The following ATR variants were observed in gnomAD, a reference collection of about 807,000 sequenced individuals.
ATR encodes ATR checkpoint kinase.
In ATR, 142 loss-of-function variants were observed where a neutral mutation model predicts 305.3. The ratio of observed to expected loss-of-function variants is 0.47; its 90% CI spans 0.41 to 0.53. ATR has a LOEUF of 0.53. Among genes scored for constraint, ATR ranks in the 20% least tolerant of loss-of-function variants. The pLI is 0.00. For missense variants in ATR, 2,135 were observed against 3,133.1 expected (o/e 0.68, Z 7.60); for synonymous variants, 1,050 against 1,068.1 (o/e 0.98, Z 0.33).
intron 21 of ATR, among the ~76,000 whole-genome samples, chr3:142,533,286 A>G (rs1482142079): frequency 1.3e-5 from 2 of 152,188 alleles, no homozygotes; most frequent in Admixed American, 6.5e-5. Context: ...CTCTAAAAGT[A>G]AATAAGTAAA....
At chr3:142,468,113 G>A (rs1431873800) in intron 38 of ATR, 45 bp from the exon 39 acceptor site, 2 of 1,595,838 alleles carry the variant, frequency 1.3e-6, no homozygotes, top group African/African-American at 1.3e-5. Flanking sequence ...AGTTTATACA[G>A]GATTTTTAAA....
chr3:142,451,219 G>A (rs2070783029), intron 46 of ATR: 1 of 1,189,054 alleles, frequency 8.4e-7, no homozygotes, highest in Non-Finnish European at 1.1e-6. Flanking sequence ...ACCTGATGCT[G>A]CACATCCAGA....
chr3:142,519,392 C>T (rs1004588799), intron 24 of ATR, among the ~76,000 whole-genome samples: 1 of 151,894 alleles, frequency 6.6e-6, no homozygotes, highest in Non-Finnish European at 1.5e-5. Flanking sequence ...ACCTCTGCCT[C>T]CTGGGTTCAA....
chr3:142,537,982 C>T (rs956609502), intron 19 of ATR, among the ~76,000 whole-genome samples: 2 of 152,150 alleles, frequency 1.3e-5, no homozygotes, highest in African/African-American at 4.8e-5. Flanking sequence ...AATGGAGAAT[C>T]TCAGAATGCC....
chr3:142,550,606 TATAAC>T (rs1158555912), intron 13 of ATR, among the ~76,000 whole-genome samples: 1 of 152,208 alleles, frequency 6.6e-6, no homozygotes, highest in East Asian at 1.9e-4. Context: ...CAAAGTGTCA[TATAAC>T]ATAATATCAA....
intron 21 of ATR, among the ~76,000 whole-genome samples, chr3:142,530,652 G>A (rs1577643556): frequency 1.3e-5 from 2 of 152,180 alleles, no homozygotes; most frequent in Admixed American, 1.3e-4. Flanking sequence ...AGCAGGGGGA[G>A]GATTTGGTTC....
chr3:142,469,882 T>C (rs1349511418), intron 37 of ATR, among the ~76,000 whole-genome samples: 1 of 152,212 alleles, frequency 6.6e-6, no homozygotes, highest in Non-Finnish European at 1.5e-5. Flanking sequence ...CAGATTTGTA[T>C]TTGTGGCCCT....
chr3:142,507,089 G>A (rs2108359723), intron 28 of ATR, among the ~76,000 whole-genome samples: 1 of 152,282 alleles, frequency 6.6e-6, no homozygotes, highest in East Asian at 1.9e-4. Context: ...CTTAAAGCTG[G>A]ACAAGGAGGA....
intron 1 of ATR, among the ~76,000 whole-genome samples, chr3:142,573,971 C>T (rs890865708): frequency 1.3e-5 from 2 of 152,112 alleles, no homozygotes; most frequent in Admixed American, 6.5e-5. Flanking sequence ...TGATAAACCA[C>T]AGTAATTTCA....
intron 23 of ATR, 43 bp from the exon 24 acceptor site, chr3:142,519,827 G>A: frequency 7.3e-7 from 1 of 1,367,192 alleles, no homozygotes; most frequent in Non-Finnish European, 1.0e-6. Context: ...CAGTGAAGCA[G>A]ATAACGCTTT....
chr3:142,536,303 A>G (rs929519510), intron 19 of ATR, 102 bp from the exon 20 acceptor site: 2 of 828,260 alleles, frequency 2.4e-6, no homozygotes, highest in Non-Finnish European at 4.1e-6. Context: ...TTCATAATTA[A>G]AAGTGCTAGT....
chr3:142,538,051 A>G (rs2033919922), intron 19 of ATR, among the ~76,000 whole-genome samples: 1 of 152,204 alleles, frequency 6.6e-6, no homozygotes, highest in South Asian at 2.1e-4. Context: ...TCTAGTAACA[A>G]TATCAAGAAA....
At chr3:142,548,055 GA>G in intron 15 of ATR, 145 bp from the exon 16 acceptor site, 1 of 721,434 alleles carries the variant, frequency 1.4e-6, no homozygotes, top group Non-Finnish European at 2.3e-6. Flanking sequence ...AAAGGCATTG[GA>G]AAAGATTCTA....
At chr3:142,508,392 C>T (rs2032365192) in intron 27 of ATR, among the ~76,000 whole-genome samples, 2 of 152,006 alleles carry the variant, frequency 1.3e-5, no homozygotes, top group African/African-American at 4.8e-5. Flanking sequence ...TTCCTTACAA[C>T]GTTGTTGGTG....
At chr3:142,480,056 T>A (rs890460954) in intron 36 of ATR, among the ~76,000 whole-genome samples, 3 of 152,164 alleles carry the variant, frequency 2.0e-5, no homozygotes, top group African/African-American at 7.2e-5. Flanking sequence ...CTCGGAGAAG[T>A]TTGATCATCT....
chr3:142,529,436 T>C (rs1375839360), intron 21 of ATR, among the ~76,000 whole-genome samples: 7 of 152,192 alleles, frequency 4.6e-5, no homozygotes, highest in Non-Finnish European at 1.0e-4. Flanking sequence ...TTATTTCTAG[T>C]TTATTAGAAT....
chr3:142,475,594 T>G (rs374851969), intron 36 of ATR, among the ~76,000 whole-genome samples: 8 of 152,310 alleles, frequency 5.3e-5, no homozygotes, highest in African/African-American at 1.4e-4. Context: ...ATGATTTATA[T>G]TCCTTTGGGT....
intron 43 of ATR, 50 bp from the exon 44 acceptor site, chr3:142,459,161 T>A (rs144901974): frequency 5.6e-6 from 9 of 1,612,342 alleles, no homozygotes; most frequent in Non-Finnish European, 7.6e-6. Context: ...ATGAGGCCAA[T>A]ATAAATCTAA....
At chr3:142,542,326 C>A (rs2034082743) in intron 17 of ATR, among the ~76,000 whole-genome samples, 2 of 152,144 alleles carry the variant, frequency 1.3e-5, no homozygotes, top group African/African-American at 4.8e-5. Flanking sequence ...AAGTACAGAG[C>A]CAACCCAGAT....
Sources: allele counts gnomAD v4.1 joint callset (sites outside exome capture counted in the v4.1 genomes callset), GRCh38; gene constraint gnomAD v4.1.1; transcripts MANE v1.5; gene names NCBI Gene and HGNC (gene_info 2026-07-23, HGNC 2026-07-21).